Variants in EFL1 observed in about 807,000 individuals in gnomAD.
EFL1 encodes elongation factor-like GTPase 1.
EFL1 carries 76 observed loss-of-function variants against 126.7 expected under a neutral mutation model. The observed-to-expected ratio is 0.60, with a 90% CI of 0.50 to 0.73. The LOEUF is 0.73. Ranked by LOEUF, EFL1 falls within the 30% of genes least tolerant of loss-of-function variation. The probability of loss-of-function intolerance (pLI) is 0.00; values close to 1 mark genes in which losing one functional copy is unlikely to be tolerated. For missense variants in EFL1, 1,128 were observed against 1,343.2 expected, an observed-to-expected ratio of 0.84 and a Z score of 2.50; for synonymous variants, 410 against 448.4, an observed-to-expected ratio of 0.91 and a Z score of 1.08.
At chr15:82,131,828 A>ATT (rs1399531838) in intron 19 of EFL1, among the ~76,000 whole-genome samples, 10 of 152,188 alleles carry the variant, frequency 6.6e-5, no homozygotes, top group Non-Finnish European at 1.5e-4. Context: ...ATGTTGTATG[A>ATT]ATTTCACCTC....
chr15:82,171,847 C>T (rs2074138915), intron 15 of EFL1, among the ~76,000 whole-genome samples: 3 of 151,932 alleles, frequency 2.0e-5, no homozygotes, highest in Admixed American at 2.0e-4. Flanking sequence ...ACACATACCT[C>T]CTGTACTGAA....
intron 15 of EFL1, among the ~76,000 whole-genome samples, chr15:82,207,235 T>C (rs2074533663): frequency 1.3e-5 from 2 of 151,042 alleles, no homozygotes; most frequent in East Asian, 3.9e-4. Flanking sequence ...CTTTTCATTA[T>C]AAAAAACTAA....
chr15:82,239,667 AT>A (rs989979596), intron 6 of EFL1, among the ~76,000 whole-genome samples: 1 of 152,202 alleles, frequency 6.6e-6, no homozygotes, highest in African/African-American at 2.4e-5. Flanking sequence ...AAACGATCTA[AT>A]TCTTCAGCTA....
chr15:82,251,581 C>G (rs1302108442), intron 4 of EFL1, among the ~76,000 whole-genome samples: 2 of 151,984 alleles, frequency 1.3e-5, no homozygotes, highest in Non-Finnish European at 2.9e-5. Flanking sequence ...ATCAATAGAC[C>G]CTTAACCTCA....
In EFL1 at chr15:82,240,481, C is replaced by G; in HGVS notation, c.453G>C (p.Leu151Phe). The G allele has an allele frequency of 6.2e-7, 1 of 1,613,948 alleles. No individual in the cohort carries two copies. The highest frequency in any genetic ancestry group is 8.5e-7 in the Non-Finnish European group (1 of 1,179,904). The change falls in exon 6 of 20, where the codon TTG becomes TTC. Residue 151 changes from leucine (L) to phenylalanine (F), a missense_variant. Coordinates refer to ENST00000268206, the MANE Select transcript of EFL1 (RefSeq NM_024580.6). ...GTGGGGTGAATTTCAGTTCCACTAT[C>G]AAGCGATCAATCTTATTAATCACTA... ...PVLVINKIDR[L>F]IVELKFTPQE...
At chr15:82,239,424 G>C (rs758237563) in intron 6 of EFL1, among the ~76,000 whole-genome samples, 3 of 152,102 alleles carry the variant, frequency 2.0e-5, no homozygotes, top group Non-Finnish European at 4.4e-5. Flanking sequence ...GTGTAAGCCA[G>C]CTCGCCCGGC....
intron 15 of EFL1, among the ~76,000 whole-genome samples, chr15:82,181,644 G>GTGTGTGTGTGTATA (rs1007312694): frequency 2.0e-5 from 3 of 151,100 alleles, no homozygotes; most frequent in African/African-American, 7.3e-5. Flanking sequence ...GTGTGTGTGT[G>GTGTGTGTGTGTATA]TATATATATA....
chr15:82,259,815 T>C (rs2075097473), intron 2 of EFL1, among the ~76,000 whole-genome samples: 1 of 152,212 alleles, frequency 6.6e-6, no homozygotes, highest in South Asian at 2.1e-4. Flanking sequence ...GACAAGTCTT[T>C]ATTGCACTTT....
chr15:82,209,314 C>G (rs1312019039), intron 15 of EFL1, among the ~76,000 whole-genome samples: 1 of 101,360 alleles, frequency 9.9e-6, no homozygotes, highest in Admixed American at 1.1e-4. Context: ...CACACAGACA[C>G]AGACACACAC....
chr15:82,201,189 T>C (rs1241952913), intron 15 of EFL1, among the ~76,000 whole-genome samples: 1 of 152,272 alleles, frequency 6.6e-6, no homozygotes, highest in African/African-American at 2.4e-5. Context: ...AAGTGATTAA[T>C]TGATTCATGC....
rs1344473642 is a variant in EFL1, at chr15:82,219,822, A to C, written c.1445-4T>G. Reference sequence around the variant, plus strand: ...CTTTCCACCTGTTGCTCGTCACCTGACAGAAACAAAAAGATAATTAGTGCC... The same window carrying C: ...CTTTCCACCTGTTGCTCGTCACCTGCCAGAAACAAAAAGATAATTAGTGCC... On this transcript the variant is annotated splice_polypyrimidine_tract_variant and splice_region_variant and intron_variant, in intron 13 of 19. Transcript: ENST00000268206. 1 of 1,598,142 alleles carries C rather than the reference A, an allele frequency of 6.3e-7. No homozygotes were observed. Among genetic ancestry groups the C allele is most frequent in the Non-Finnish European group, 8.5e-7 (1 of 1,175,450 alleles).
At chr15:82,196,089 G>T (rs946280352) in intron 15 of EFL1, among the ~76,000 whole-genome samples, 1 of 152,124 alleles carries the variant, frequency 6.6e-6, no homozygotes, top group Non-Finnish European at 1.5e-5. Flanking sequence ...GAAAATCGTG[G>T]TATATTCAGG....
chr15:82,200,098 G>A (rs1457817569), intron 15 of EFL1, among the ~76,000 whole-genome samples: 3 of 152,150 alleles, frequency 2.0e-5, no homozygotes, highest in Admixed American at 1.3e-4. Flanking sequence ...AAGTTTATTT[G>A]ATATACTGTG....
intron 12 of EFL1, among the ~76,000 whole-genome samples, chr15:82,222,404 G>A (rs1399022645): frequency 3.9e-5 from 6 of 152,186 alleles, no homozygotes. Context: ...AGGAATTAAA[G>A]ATAAAATTGT....
At chr15:82,178,896 T>G (rs1326181837) in intron 15 of EFL1, among the ~76,000 whole-genome samples, 2 of 151,998 alleles carry the variant, frequency 1.3e-5, no homozygotes, top group Non-Finnish European at 2.9e-5. Context: ...AATCCCAGAA[T>G]TTTGGGAGGC....
rs1172546962 is a variant in EFL1, at chr15:82,219,936, AAAC to A, written c.1445-121_1445-119del. The stretch of plus-strand genomic sequence containing the variant: ...TCGTCAAGTTTCAGGAAAAAAAAGA[AAAC>A]AAAACAAAACAAGAATGGAAAGAAT... On this transcript the variant is annotated intron_variant, in intron 13 of 19. Coordinates refer to ENST00000268206, the MANE Select transcript of EFL1 (RefSeq NM_024580.6). 2.8e-5 allele frequency: 42 copies of A among 1,481,656 alleles called. No homozygotes were observed. The African/African-American group carries it at 5.1e-4, about 18-fold the overall frequency. 91.8% of individuals were successfully genotyped at this position (1,481,656 alleles called of 1,614,324 possible). A position where few individuals can be genotyped will look rare whatever the true frequency, so the allele number is the denominator to read the frequency against.
At chr15:82,130,701 A>G in intron 19 of EFL1, 140 bp from the exon 20 acceptor site, 16 of 901,458 alleles carry the variant, frequency 1.8e-5, no homozygotes, top group Non-Finnish European at 2.3e-5. Context: ...AGGAATGGTA[A>G]TAAGTATGAA....
At chr15:82,241,683 T>C (rs1164106855) in intron 4 of EFL1, among the ~76,000 whole-genome samples, 6 of 152,264 alleles carry the variant, frequency 3.9e-5, no homozygotes, top group East Asian at 3.8e-4. Context: ...ACTTTTAATG[T>C]GCTAATCACA....
chr15:82,166,115 C>T (rs2074077363), intron 15 of EFL1, among the ~76,000 whole-genome samples: 1 of 152,186 alleles, frequency 6.6e-6, no homozygotes, highest in South Asian at 2.1e-4. Flanking sequence ...TATTCCCTTT[C>T]AAACCTCATC....
Sources: allele counts gnomAD v4.1 joint callset (sites outside exome capture counted in the v4.1 genomes callset), GRCh38; gene constraint gnomAD v4.1.1; transcripts MANE v1.5; gene names NCBI Gene and HGNC (gene_info 2026-07-23, HGNC 2026-07-21).